The following THSD4 variants were observed in gnomAD, a reference collection of about 807,000 sequenced individuals.
The protein encoded by THSD4 is thrombospondin type 1 domain containing 4.
Under a neutral mutation model 119.0 loss-of-function variants are expected in THSD4, and 69 were observed. The ratio of observed to expected loss-of-function variants is 0.58; its 90% confidence interval spans 0.48 to 0.71. The LOEUF is 0.71. Among genes scored for constraint, THSD4 ranks in the 30% least tolerant of loss-of-function variants. THSD4 has a pLI of 0.00. For missense variants in THSD4, 1,393 were observed against 1,391.1 expected (o/e 1.00, Z -0.02); for synonymous variants, 524 against 540.4 (o/e 0.97, Z 0.42).
intron 8 of THSD4, among the ~76,000 whole-genome samples, chr15:71,661,337 T>C (rs990235359): frequency 4.6e-5 from 7 of 152,196 alleles, no homozygotes; most frequent in South Asian, 2.1e-4. Context: ...TTCTGGACTT[T>C]GGAGCTATTT....
chr15:71,141,578 A>T (rs1712466584), intron 2 of THSD4, 22 bp downstream of exon 2: 4 of 1,601,996 alleles, frequency 2.5e-6, no homozygotes, highest in South Asian at 1.1e-5. Flanking sequence ...AACTTTTTTT[A>T]AAAAAACAGG....
At position 71,549,011 on chromosome 15, in the gene THSD4, C is replaced by T. The variant is rs962840936; in HGVS notation, c.1153-111519C>T. Among the ~76,000 whole-genome samples the T allele has an allele frequency of 2.0e-5, 3 of 152,220 alleles. No individual in the cohort carries two copies. In the East Asian group the frequency reaches 5.8e-4, roughly 29 times the overall value. ...CAGCTGACTCGTGGGGAAGGCCACGCCGGAATCTGTGTGCCCCTAGCCTTG... is the reference window on the plus strand; with the variant it reads ...CAGCTGACTCGTGGGGAAGGCCACGTCGGAATCTGTGTGCCCCTAGCCTTG... On this transcript the variant is annotated intron_variant, in intron 7 of 17. Transcript: ENST00000261862.
intron 2 of THSD4, among the ~76,000 whole-genome samples, chr15:71,152,361 G>A (rs891569069): frequency 4.0e-5 from 6 of 151,698 alleles, no homozygotes; most frequent in Non-Finnish European, 1.5e-5. Context: ...GGCAGAGATT[G>A]CAGTGAGCCG....
intron 3 of THSD4, among the ~76,000 whole-genome samples, chr15:71,158,800 G>C (rs920554921): frequency 4.6e-5 from 7 of 151,950 alleles, no homozygotes; most frequent in African/African-American, 1.7e-4. Flanking sequence ...TCACTTCACT[G>C]TTTCCATTGC....
intron 2 of THSD4, among the ~76,000 whole-genome samples, chr15:71,144,076 C>T (rs889287852): frequency 3.4e-4 from 52 of 152,086 alleles, no homozygotes; most frequent in African/African-American, 1.2e-3. Flanking sequence ...GCCTCCAGCA[C>T]GAGAGTCCTG....
chr15:71,656,639 C>T (rs1346645005), intron 7 of THSD4, among the ~76,000 whole-genome samples: 1 of 152,194 alleles, frequency 6.6e-6, no homozygotes, highest in Non-Finnish European at 1.5e-5. Flanking sequence ...AAAGCTAGAA[C>T]CCTCAACACG....
At chr15:71,586,971 A>C (rs2049683030) in intron 7 of THSD4, among the ~76,000 whole-genome samples, 1 of 152,238 alleles carries the variant, frequency 6.6e-6, no homozygotes, top group African/African-American at 2.4e-5. Context: ...TACAGTTTTC[A>C]AAGCACTTTT....
At chr15:71,506,085 C>G (rs944173075) in intron 7 of THSD4, among the ~76,000 whole-genome samples, 1 of 152,182 alleles carries the variant, frequency 6.6e-6, no homozygotes, top group Admixed American at 6.5e-5. Context: ...AAGAATTGAT[C>G]GTGCACCTTC....
intron 7 of THSD4, among the ~76,000 whole-genome samples, chr15:71,583,284 G>A (rs1049230149): frequency 3.3e-5 from 5 of 151,890 alleles, no homozygotes; most frequent in African/African-American, 4.8e-5. Context: ...ACTTCTCATT[G>A]TTTGAGCCTT....
chr15:71,296,817 C>A (rs979609067), intron 6 of THSD4, among the ~76,000 whole-genome samples: 1 of 152,146 alleles, frequency 6.6e-6, no homozygotes, highest in Non-Finnish European at 1.5e-5. Context: ...GAAGCCTCAT[C>A]CCGACCCTGC....
At chr15:71,216,090 G>A (rs1162163267) in intron 4 of THSD4, among the ~76,000 whole-genome samples, 1 of 152,240 alleles carries the variant, frequency 6.6e-6, no homozygotes, top group African/African-American at 2.4e-5. Flanking sequence ...AGTGAGTGAA[G>A]CAATAGATAC....
At chr15:71,372,653 G>C (rs2046071288) in intron 6 of THSD4, among the ~76,000 whole-genome samples, 1 of 152,238 alleles carries the variant, frequency 6.6e-6, no homozygotes, top group Non-Finnish European at 1.5e-5. Context: ...TCGTCTCAGA[G>C]GGGTACCTGG....
At chr15:71,214,523 T>C (rs1215314212) in intron 3 of THSD4, among the ~76,000 whole-genome samples, 1 of 152,208 alleles carries the variant, frequency 6.6e-6, no homozygotes, top group Non-Finnish European at 1.5e-5. Context: ...GGTCCGCAGC[T>C]TCATTCTTGA....
intron 7 of THSD4, among the ~76,000 whole-genome samples, chr15:71,467,349 C>A (rs568541428): frequency 2.6e-5 from 4 of 152,282 alleles, no homozygotes; most frequent in African/African-American, 9.6e-5. Flanking sequence ...TTATGTGACA[C>A]TGGAGCCTTC....
At chr15:71,380,711 C>CCTT (rs1464250072) in intron 6 of THSD4, among the ~76,000 whole-genome samples, 4 of 151,360 alleles carry the variant, frequency 2.6e-5, no homozygotes, top group Non-Finnish European at 5.9e-5. Flanking sequence ...TAGTCTGACT[C>CCTT]AAAGAGGTAT....
At chr15:71,300,742 G>A (rs1410128897) in intron 6 of THSD4, among the ~76,000 whole-genome samples, 1 of 152,160 alleles carries the variant, frequency 6.6e-6, no homozygotes, top group Admixed American at 6.5e-5. Context: ...TCTGGCAGGA[G>A]AACACTATAT....
chr15:71,435,447 T>C (rs1309439331), intron 7 of THSD4, among the ~76,000 whole-genome samples: 1 of 152,212 alleles, frequency 6.6e-6, no homozygotes, highest in East Asian at 1.9e-4. Flanking sequence ...AATAAGATAG[T>C]TGTTTAAGAC....
At chr15:71,776,050 T>C (rs1328708373) in intron 17 of THSD4, among the ~76,000 whole-genome samples, 13 of 152,178 alleles carry the variant, frequency 8.5e-5, no homozygotes, top group Admixed American at 8.5e-4. Flanking sequence ...ATCCTACACA[T>C]ACCATACACT....
chr15:71,464,110 G>A (rs1250228187), intron 7 of THSD4, among the ~76,000 whole-genome samples: 1 of 152,172 alleles, frequency 6.6e-6, no homozygotes, highest in Non-Finnish European at 1.5e-5. Context: ...CTCTGACTTA[G>A]CCATTTGTTT....
Sources: gnomAD v4.1 joint callset for allele counts (sites outside exome capture counted in the v4.1 genomes callset) on GRCh38, gnomAD v4.1.1 for gene constraint, MANE v1.5 for transcripts, NCBI Gene and HGNC (gene_info 2026-07-23, HGNC 2026-07-21) for gene names.